Variants in MAP6 observed in about 807,000 individuals in gnomAD.
The protein encoded by MAP6 is microtubule associated protein 6, also known as microtubule-associated protein 6.
In MAP6, 26 loss-of-function variants were observed where a neutral mutation model predicts 42.4. The ratio of observed to expected loss-of-function variants is 0.61; its 90% CI spans 0.45 to 0.85. The LOEUF (loss-of-function observed/expected upper bound fraction) is 0.85, where lower values mean the gene tolerates loss of function less well. MAP6 is among the 40% of genes least tolerant of loss of function. The pLI, the probability that MAP6 is intolerant of heterozygous loss-of-function variation, is 0.00. For missense variants in MAP6, 966 were observed against 1,099.0 expected, an observed-to-expected ratio of 0.88 and a Z score of 1.71; for synonymous variants, 418 against 443.8, an observed-to-expected ratio of 0.94 and a Z score of 0.73.
chr11:75,658,370 T>C (rs1474726258), intron 1 of MAP6, among the ~76,000 whole-genome samples: 2 of 147,204 alleles, frequency 1.4e-5, no homozygotes, highest in African/African-American at 5.1e-5. Context: ...AACTGTGCTA[T>C]CTAGCTCAGT....
At chr11:75,653,731 G>A (rs1392428418) in intron 1 of MAP6, among the ~76,000 whole-genome samples, 1 of 152,174 alleles carries the variant, frequency 6.6e-6, no homozygotes, top group African/African-American at 2.4e-5. Flanking sequence ...TTAGAACATG[G>A]TGACTCAGAG....
At chr11:75,610,894 A>C (rs1942885015) in intron 1 of MAP6, among the ~76,000 whole-genome samples, 1 of 152,024 alleles carries the variant, frequency 6.6e-6, no homozygotes, top group Non-Finnish European at 1.5e-5. Flanking sequence ...GGAAGAAAAT[A>C]GGCTTTGGAA....
chr11:75,659,689 G>T (rs1421335881), intron 1 of MAP6, among the ~76,000 whole-genome samples: 1 of 152,196 alleles, frequency 6.6e-6, no homozygotes, highest in Non-Finnish European at 1.5e-5. Context: ...ATTCAGCAGA[G>T]AATGAGAAGC....
At chr11:75,603,510 G>A (rs1274139737) in intron 3 of MAP6, 15 of 984,168 alleles carry the variant, frequency 1.5e-5, no homozygotes, top group African/African-American at 1.8e-5. Context: ...TAAGCAGAAG[G>A]GGATACTGAC....
chr11:75,667,363 G>A lies in MAP6; in HGVS notation c.905+102C>T, dbSNP rs1943965531. ...AGAGGGTGTGGCCTGGGACTGGAGG[G>A]AGGCTGCACGCTAGGCCTGCGCTGG... On this transcript the variant is annotated intron_variant, in intron 1 of 3. Transcript: ENST00000304771. This position sits in a 1 kb window ranked among gnomAD's most constrained non-coding sequence, Gnocchi z 5.6. The A allele has an allele frequency of 1.8e-6, 2 of 1,122,390 alleles. No homozygotes were observed. Among genetic ancestry groups the A allele is most frequent in the South Asian group, 1.9e-5 (1 of 53,528 alleles). 69.5% of individuals were successfully genotyped at this position (1,122,390 alleles called of 1,614,324 possible). A position where few individuals can be genotyped will look rare whatever the true frequency, so the allele number is the denominator to read the frequency against.
At chr11:75,638,828 C>T (rs1234183308) in intron 1 of MAP6, among the ~76,000 whole-genome samples, 1 of 152,130 alleles carries the variant, frequency 6.6e-6, no homozygotes, top group Admixed American at 6.6e-5. Context: ...AGAAAAGAAA[C>T]CATGATATAA....
intron 1 of MAP6, among the ~76,000 whole-genome samples, chr11:75,617,776 C>T (rs1056966382): frequency 6.6e-6 from 1 of 152,014 alleles, no homozygotes; most frequent in Non-Finnish European, 1.5e-5. Context: ...AAAACTTCCC[C>T]ATAACCATTT....
intron 1 of MAP6, among the ~76,000 whole-genome samples, chr11:75,632,441 T>C (rs1449289146): frequency 2.0e-5 from 3 of 152,200 alleles, no homozygotes; most frequent in Non-Finnish European, 1.5e-5. Flanking sequence ...CATGGTGAAG[T>C]GGACTGCATG....
intron 1 of MAP6, among the ~76,000 whole-genome samples, chr11:75,634,727 T>C (rs1339897956): frequency 6.6e-6 from 1 of 152,214 alleles, no homozygotes; most frequent in Admixed American, 6.5e-5. Context: ...GAGAAAGCCT[T>C]GGCCTCTTTA....
intron 1 of MAP6, among the ~76,000 whole-genome samples, chr11:75,643,312 T>A (rs1943506268): frequency 6.6e-6 from 1 of 152,070 alleles, no homozygotes; most frequent in African/African-American, 2.4e-5. Context: ...CTCCTTTGTG[T>A]TTTATAGCAA....
At chr11:75,658,983 G>C (rs1943797736) in intron 1 of MAP6, among the ~76,000 whole-genome samples, 1 of 152,146 alleles carries the variant, frequency 6.6e-6, no homozygotes, top group Non-Finnish European at 1.5e-5. Flanking sequence ...CAGCACACTT[G>C]TCTCTGTCCA....
intron 1 of MAP6, among the ~76,000 whole-genome samples, chr11:75,659,974 G>C (rs953143850): frequency 6.6e-6 from 1 of 152,144 alleles, no homozygotes; most frequent in Non-Finnish European, 1.5e-5. Flanking sequence ...GGTCAGCATT[G>C]TATTTCTGAG....
At chr11:75,644,692 A>C (rs1001286041) in intron 1 of MAP6, among the ~76,000 whole-genome samples, 1 of 152,172 alleles carries the variant, frequency 6.6e-6, no homozygotes, top group Non-Finnish European at 1.5e-5. Flanking sequence ...GATATAAGAC[A>C]AAATTGAAGA....
chr11:75,613,691 G>A (rs945432200), intron 1 of MAP6, among the ~76,000 whole-genome samples: 5 of 152,222 alleles, frequency 3.3e-5, no homozygotes, highest in Non-Finnish European at 7.3e-5. Flanking sequence ...AAGAGAGTCT[G>A]GGGCTATGAT....
chr11:75,644,387 TA>T (rs1943522953), intron 1 of MAP6, among the ~76,000 whole-genome samples: 1 of 152,236 alleles, frequency 6.6e-6, no homozygotes, highest in African/African-American at 2.4e-5. Context: ...CCATTATTTT[TA>T]CTACCACAAC....
chr11:75,599,412 T>C (rs988141049), intron 3 of MAP6, among the ~76,000 whole-genome samples: 1 of 152,100 alleles, frequency 6.6e-6, no homozygotes, highest in African/African-American at 2.4e-5. Context: ...CAGGACTGAG[T>C]ATATTTTTTG....
intron 1 of MAP6, among the ~76,000 whole-genome samples, chr11:75,617,346 CT>C (rs1943014433): frequency 1.3e-5 from 2 of 151,660 alleles, no homozygotes; most frequent in East Asian, 1.9e-4. Flanking sequence ...GTAAAACCCC[CT>C]CTCTACCAAA....
chr11:75,597,764 G>A (rs922315097), intron 3 of MAP6, among the ~76,000 whole-genome samples: 1 of 152,178 alleles, frequency 6.6e-6, no homozygotes, highest in South Asian at 2.1e-4. Context: ...TGATTTATAG[G>A]GTGTGCTTAG....
At chr11:75,599,962 G>A (rs956720732) in intron 3 of MAP6, among the ~76,000 whole-genome samples, 7 of 152,142 alleles carry the variant, frequency 4.6e-5, no homozygotes, top group Non-Finnish European at 7.3e-5. Context: ...CATAAGCAAC[G>A]CATACATATA....
Sources: gnomAD v4.1 joint callset for allele counts (sites outside exome capture counted in the v4.1 genomes callset) on GRCh38, gnomAD v4.1.1 for gene constraint, Gnocchi (gnomAD v3.1) non-coding constraint, MANE v1.5 for transcripts, NCBI Gene and HGNC (gene_info 2026-07-23, HGNC 2026-07-21) for gene names.